ADTRP: variants seen among roughly 807,000 people sequenced by gnomAD.
The protein encoded by ADTRP is androgen-dependent TFPI-regulating protein.
Under a neutral mutation model 27.0 loss-of-function variants are expected in ADTRP, and 20 were observed. The observed-to-expected ratio is 0.74, with a 90% CI of 0.52 to 1.08. The LOEUF (loss-of-function observed/expected upper bound fraction) is 1.08, where lower values mean the gene tolerates loss of function less well. Ranked by LOEUF, ADTRP falls within the 50% of genes least tolerant of loss-of-function variation. The pLI is 0.00. For missense variants in ADTRP, 251 were observed against 275.0 expected (o/e 0.91, Z 0.62); for synonymous variants, 101 against 105.2 (o/e 0.96, Z 0.25).
intron 5 of ADTRP, among the ~76,000 whole-genome samples, chr6:11,715,943 G>A (rs966716485): frequency 9.3e-5 from 14 of 149,898 alleles, no homozygotes; most frequent in Non-Finnish European, 1.9e-4. Context: ...AAAGTGCTAG[G>A]ATTACAGGCA....
In ADTRP at chr6:11,715,911, G is replaced by A. The variant is rs1008153776; in HGVS notation, c.659-1399C>T. ...TTGAACTCCTGGCCTCACCACAAGG[G>A]ATCCTCCCATCTCAGCCTCCCAAAG... On this transcript the variant is annotated intron_variant, in intron 5 of 5. Coordinates refer to ENST00000414691, the MANE Select transcript of ADTRP (RefSeq NM_032744.4). 5.6e-5 allele frequency among the ~76,000 whole-genome samples: 8 copies of A among 141,792 alleles called. No individual in the cohort carries two copies. The East Asian group carries it at 1.4e-3, about 24-fold the overall frequency. The allele number at this position is 141,792 out of a possible 152,430, so 93.0% of individuals were successfully genotyped here.
At chr6:11,764,839 T>C (rs1006068684) in intron 3 of ADTRP, among the ~76,000 whole-genome samples, 1 of 147,372 alleles carries the variant, frequency 6.8e-6, no homozygotes, top group Non-Finnish European at 1.5e-5. Flanking sequence ...GCTGTGTGAA[T>C]TAAATGAGCC....
intron 1 of ADTRP, among the ~76,000 whole-genome samples, chr6:11,777,487 T>TTG (rs1763997542): frequency 6.6e-6 from 1 of 151,528 alleles, no homozygotes; most frequent in Non-Finnish European, 1.5e-5. Flanking sequence ...TGTGTGGTTT[T>TTG]TTGTTGTTGT....
chr6:11,726,394 G>A (rs1469183531), intron 4 of ADTRP, among the ~76,000 whole-genome samples: 2 of 152,106 alleles, frequency 1.3e-5, no homozygotes, highest in Admixed American at 6.5e-5. Flanking sequence ...ATGGTTTGAT[G>A]CTGTTCTTGT....
rs3830754 is a variant in ADTRP at position 11,777,246 on chromosome 6, T to TTG, written c.153+1359_153+1360dup. Among the ~76,000 whole-genome samples the TTG allele has an allele frequency of 3.8e-3, 573 of 150,742 alleles. 4 individuals are homozygous for TTG. Among genetic ancestry groups the TTG allele is most frequent in the African/African-American group, 5.2e-3 (214 of 41,118 alleles). Reference sequence around the variant, plus strand: ...GCTAGAATTAAAAAGTCAGGATCAGTTGTGTGTGTGTGTGTGTGTGTATAC... The same window carrying TTG: ...GCTAGAATTAAAAAGTCAGGATCAGTTGTGTGTGTGTGTGTGTGTGTGTATAC... On this transcript the variant is annotated intron_variant, in intron 1 of 5. Transcript: ENST00000414691.
intron 1 of ADTRP, among the ~76,000 whole-genome samples, chr6:11,769,821 T>A (rs1214705838): frequency 6.6e-6 from 1 of 152,206 alleles, no homozygotes; most frequent in Non-Finnish European, 1.5e-5. Flanking sequence ...GATTATTTAA[T>A]CTTTATGTAG....
intron 4 of ADTRP, among the ~76,000 whole-genome samples, chr6:11,727,509 C>T (rs1312888250): frequency 1.3e-5 from 2 of 152,148 alleles, no homozygotes; most frequent in Non-Finnish European, 2.9e-5. Flanking sequence ...AGTTGCATCA[C>T]TTAGTTCACT....
chr6:11,731,362 A>G (rs1762373656), intron 4 of ADTRP, among the ~76,000 whole-genome samples: 1 of 152,236 alleles, frequency 6.6e-6, no homozygotes, highest in Admixed American at 6.5e-5. Context: ...ATTTTAAAGC[A>G]TAATTTGCTG....
chr6:11,743,565 A>C (rs537227655), intron 3 of ADTRP, among the ~76,000 whole-genome samples: 1 of 152,254 alleles, frequency 6.6e-6, no homozygotes, highest in South Asian at 2.1e-4. Flanking sequence ...TTCTTGGCAG[A>C]ACTGAAGGCT....
intron 3 of ADTRP, among the ~76,000 whole-genome samples, chr6:11,758,580 G>GGA (rs1554114794): frequency 1.7e-5 from 2 of 118,640 alleles, no homozygotes; most frequent in Non-Finnish European, 3.5e-5. Context: ...TGGGGTGGGG[G>GGA]GGGGGGACGG....
rs9380503 is a variant in ADTRP, at chr6:11,750,899, C to G, written c.391-15216G>C. ...AAGAACCTTGCTGAATCGCCCAGGC[C>G]GGATTGCAACGGCACAATCTTGGCT... On this transcript the variant is annotated intron_variant, in intron 3 of 5. Transcript: ENST00000414691. Among the ~76,000 whole-genome samples the G allele has an allele frequency of 3.6e-3, 555 of 152,184 alleles. 2 individuals carry two copies. Among genetic ancestry groups the G allele is most frequent in the Non-Finnish European group, 4.1e-3 (280 of 67,978 alleles).
intron 4 of ADTRP, among the ~76,000 whole-genome samples, chr6:11,735,130 C>T (rs372274493): frequency 1.6e-4 from 24 of 152,298 alleles, no homozygotes; most frequent in Admixed American, 9.2e-4. Context: ...TGCAAATAAG[C>T]CCATAATGAA....
intron 3 of ADTRP, among the ~76,000 whole-genome samples, chr6:11,739,404 A>T (rs1762649243): frequency 6.6e-6 from 1 of 152,204 alleles, no homozygotes; most frequent in African/African-American, 2.4e-5. Flanking sequence ...TGCAACGGTT[A>T]TAAAGAGATG....
At chr6:11,773,238 G>T (rs866273678) in intron 1 of ADTRP, among the ~76,000 whole-genome samples, 1 of 152,148 alleles carries the variant, frequency 6.6e-6, no homozygotes, top group South Asian at 2.1e-4. Flanking sequence ...GGAGAAGGGG[G>T]AGGAGGAAGA....
Position 11,743,599 on chromosome 6 carries a change from A to G in ADTRP, c.391-7916T>C, listed in dbSNP as rs551306885. Among the ~76,000 whole-genome samples the G allele has an allele frequency of 6.6e-5, 10 of 152,308 alleles. No homozygotes were observed. In the South Asian group the frequency reaches 1.9e-3, roughly 28 times the overall value. On this transcript the variant is annotated intron_variant, in intron 3 of 5. Coordinates refer to ENST00000414691, the MANE Select transcript of ADTRP (RefSeq NM_032744.4). ...CTCCTGTGCTCATTCCCATCATGAC[A>G]TAACACTCGTACGTTCGCCTAATAC... is the stretch of plus-strand genomic sequence containing the variant.
At chr6:11,778,497 G>T (rs748353105) in intron 1 of ADTRP, 110 bp downstream of exon 1, 34 of 1,374,936 alleles carry the variant, frequency 2.5e-5, no homozygotes, top group Non-Finnish European at 3.3e-5. Context: ...GGTGAAGAAG[G>T]AAGACAAATA....
chr6:11,743,689 C>G (rs1762784101), intron 3 of ADTRP, among the ~76,000 whole-genome samples: 1 of 152,202 alleles, frequency 6.6e-6, no homozygotes, highest in African/African-American at 2.4e-5. Flanking sequence ...TCTCTAGTGC[C>G]TACCACATTG....
intron 3 of ADTRP, among the ~76,000 whole-genome samples, chr6:11,757,693 C>G (rs1306039683): frequency 6.6e-6 from 1 of 152,178 alleles, no homozygotes; most frequent in Non-Finnish European, 1.5e-5. Flanking sequence ...TAAAGACAGA[C>G]ACACAAACAG....
chr6:11,722,833 T>C (rs1212404127), intron 5 of ADTRP, among the ~76,000 whole-genome samples: 3 of 152,212 alleles, frequency 2.0e-5, no homozygotes, highest in Non-Finnish European at 2.9e-5. Flanking sequence ...AAGTCTAGGA[T>C]GTGATTTCAT....
Sources: allele counts gnomAD v4.1 joint callset (sites outside exome capture counted in the v4.1 genomes callset), GRCh38; gene constraint gnomAD v4.1.1; transcripts MANE v1.5; gene names NCBI Gene and HGNC (gene_info 2026-07-23, HGNC 2026-07-21).